The following RASSF3 variants were observed in gnomAD, a reference collection of about 807,000 sequenced individuals.
The protein encoded by RASSF3 is Ras association domain family member 3.
Under a neutral mutation model 19.9 loss-of-function variants are expected in RASSF3, and 19 were observed. That is an observed-to-expected ratio of 0.96 (90% CI 0.67 to 1.40). The LOEUF (loss-of-function observed/expected upper bound fraction) is 1.40, where lower values mean the gene tolerates loss of function less well. Among genes scored for constraint, RASSF3 ranks in the 40% most tolerant of loss-of-function variants. The pLI is 0.00. For missense variants in RASSF3, 306 were observed against 289.8 expected, an observed-to-expected ratio of 1.06 and a Z score of -0.41; for synonymous variants, 110 against 104.2, an observed-to-expected ratio of 1.06 and a Z score of -0.34.
At chr12:64,520,697 G>C (rs1380541375) in intron 1 of RASSF3, among the ~76,000 whole-genome samples, 1 of 150,436 alleles carries the variant, frequency 6.6e-6, no homozygotes, top group Non-Finnish European at 1.5e-5. Flanking sequence ...ATTCTTGCTA[G>C]CTAAAAAAAA....
intron 1 of RASSF3, among the ~76,000 whole-genome samples, chr12:64,518,914 C>A (rs545166304): frequency 6.6e-6 from 1 of 152,128 alleles, no homozygotes; most frequent in African/African-American, 2.4e-5. Context: ...ATAACAGACA[C>A]AACAGTGTGA....
In RASSF3 at chr12:64,566,952, G is replaced by A. The variant is rs565607176; in HGVS notation, c.294+25247G>A. ...AGGTCCAGATTAAGTGTAGCTTTGT[G>A]GGCAAGGCTGAGACCTTGAATCCTA... On this transcript the variant is annotated intron_variant, in intron 2 of 5. Transcript: ENST00000637125. Among the ~76,000 whole-genome samples the A allele has an allele frequency of 2.0e-5, 3 of 152,316 alleles. No individual in the cohort carries two copies. The East Asian group carries it at 5.8e-4, about 29-fold the overall frequency.
chr12:64,615,166 T>G (rs1870509049), intron 1 of RASSF3, among the ~76,000 whole-genome samples: 1 of 152,256 alleles, frequency 6.6e-6, no homozygotes, highest in Non-Finnish European at 1.5e-5. Flanking sequence ...ATTATTTGCC[T>G]TCTTGATTTC....
chr12:64,539,684 G>C (rs1235168172), intron 1 of RASSF3, among the ~76,000 whole-genome samples: 2 of 152,038 alleles, frequency 1.3e-5, no homozygotes, highest in African/African-American at 4.8e-5. Flanking sequence ...GCTGAGGTGG[G>C]AGGACTGCTT....
At chr12:64,608,075 T>G (rs1870224421), upstream of RASSF3, among the ~76,000 whole-genome samples, 1 of 152,022 alleles carries the variant, frequency 6.6e-6, no homozygotes, top group African/African-American at 2.4e-5. Flanking sequence ...GGCCTAATCA[T>G]GCCTTTATAA....
chr12:64,547,655 T>A, intron 2 of RASSF3, among the ~76,000 whole-genome samples: 1 of 152,176 alleles, frequency 6.6e-6, no homozygotes, highest in Non-Finnish European at 1.5e-5. Flanking sequence ...AAAACATATT[T>A]AGTTATTTGT....
intron 2 of RASSF3, among the ~76,000 whole-genome samples, chr12:64,602,908 C>T (rs560452547): frequency 1.3e-5 from 2 of 151,924 alleles, no homozygotes; most frequent in African/African-American, 4.8e-5. Flanking sequence ...AGACCAGCCT[C>T]GCCAACATGG....
intron 2 of RASSF3, among the ~76,000 whole-genome samples, chr12:64,592,476 A>G (rs1869941138): frequency 6.6e-6 from 1 of 151,914 alleles, no homozygotes; most frequent in African/African-American, 2.4e-5. Context: ...TGTGTCTTTG[A>G]TATTGTTTCC....
intron 1 of RASSF3, among the ~76,000 whole-genome samples, chr12:64,517,777 C>T (rs1156671879): frequency 6.6e-6 from 1 of 152,018 alleles, no homozygotes; most frequent in Non-Finnish European, 1.5e-5. Flanking sequence ...CACCAGCATG[C>T]CCAGCTAATT....
chr12:64,648,877 C>T (rs996477173), intron 1 of RASSF3, among the ~76,000 whole-genome samples: 8 of 135,506 alleles, frequency 5.9e-5, no homozygotes, highest in Admixed American at 2.4e-4. Context: ...ACAGTGTTGG[C>T]TTACTGTAAC....
rs1168697599 is a variant in RASSF3, at chr12:64,601,986, G to A, written c.294+60281G>A. Among the ~76,000 whole-genome samples the A allele has an allele frequency of 7.9e-5, 12 of 151,388 alleles. 1 individual carries two copies. In the Middle Eastern group the frequency reaches 0.017, roughly 216 times the overall value. On this transcript the variant is annotated intron_variant, in intron 2 of 5. Coordinates refer to the RASSF3 transcript ENST00000637125. ...CAAAAAATTAGCCGGGCGTGGTGGC[G>A]GGCGCCTGTGGTCCCAACTACTCGG... is the stretch of plus-strand genomic sequence containing the variant.
At chr12:64,567,327 C>T (rs1027513048) in intron 2 of RASSF3, among the ~76,000 whole-genome samples, 1 of 152,154 alleles carries the variant, frequency 6.6e-6, no homozygotes, top group African/African-American at 2.4e-5. Context: ...AATCTCCTAC[C>T]TGGGGGTCAC....
intron 1 of RASSF3, among the ~76,000 whole-genome samples, chr12:64,636,697 T>C (rs1339191180): frequency 1.3e-5 from 2 of 151,654 alleles, no homozygotes; most frequent in Admixed American, 1.3e-4. Context: ...GAAACCCCTG[T>C]CTCTACTAAA....
intron 1 of RASSF3, among the ~76,000 whole-genome samples, chr12:64,514,116 T>A (rs1294871181): frequency 1.3e-5 from 2 of 150,478 alleles, no homozygotes; most frequent in Non-Finnish European, 3.0e-5. Context: ...CTCGAACTCC[T>A]GACCTCGTGA....
At position 64,682,913 on chromosome 12, in the gene RASSF3, G is replaced by T. The variant is rs527625678; in HGVS notation, c.112-1874G>T. Among the ~76,000 whole-genome samples, 3 of 152,170 alleles carry T rather than the reference G, an allele frequency of 2.0e-5. No homozygotes were observed. In the South Asian group the frequency reaches 6.2e-4, roughly 32 times the overall value. On this transcript the variant is annotated intron_variant, in intron 1 of 4. Transcript: ENST00000542104. Reference sequence around the variant, plus strand: ...TTGAATCTGATTATGCAGCTTTTCTGTAAGTTTTTAAATGTTTACCCACAC... The same window carrying T: ...TTGAATCTGATTATGCAGCTTTTCTTTAAGTTTTTAAATGTTTACCCACAC...
chr12:64,550,285 G>A (rs1418965356), intron 2 of RASSF3, among the ~76,000 whole-genome samples: 1 of 151,964 alleles, frequency 6.6e-6, no homozygotes, highest in Non-Finnish European at 1.5e-5. Context: ...GAAAGGAAAC[G>A]AGAAGGGGAA....
At chr12:64,557,913 C>T (rs527884110) in intron 2 of RASSF3, among the ~76,000 whole-genome samples, 18 of 152,228 alleles carry the variant, frequency 1.2e-4, no homozygotes, top group South Asian at 6.2e-4. Context: ...TCAGATGCTA[C>T]GTCATAAGTG....
intron 1 of RASSF3, among the ~76,000 whole-genome samples, chr12:64,621,921 G>T (rs544751098): frequency 6.6e-6 from 1 of 152,252 alleles, no homozygotes; most frequent in East Asian, 1.9e-4. Flanking sequence ...AAGGTGGGGA[G>T]TTGGGTGATG....
At chr12:64,518,003 G>A (rs1868397185) in intron 1 of RASSF3, among the ~76,000 whole-genome samples, 1 of 151,794 alleles carries the variant, frequency 6.6e-6, no homozygotes, top group Admixed American at 6.6e-5. Flanking sequence ...GTTGGGACAG[G>A]GAAAAATGGG....
Sources: allele counts gnomAD v4.1 joint callset (sites outside exome capture counted in the v4.1 genomes callset), GRCh38; gene constraint gnomAD v4.1.1; transcripts MANE v1.5; gene names NCBI Gene and HGNC (gene_info 2026-07-23, HGNC 2026-07-21).